The following CNTN6 variants were observed in gnomAD, a reference collection of about 807,000 sequenced individuals.
The protein encoded by CNTN6 is contactin-6.
Under a neutral mutation model 122.8 loss-of-function variants are expected in CNTN6, and 137 were observed. That is an observed-to-expected ratio of 1.12 (90% CI 0.97 to 1.29). The LOEUF is 1.29. CNTN6 is among the 50% of genes most tolerant of loss of function. CNTN6 has a pLI of 0.00. For missense variants in CNTN6, 1,634 were observed against 1,223.4 expected, an observed-to-expected ratio of 1.34 and a Z score of -5.01; for synonymous variants, 570 against 426.0, an observed-to-expected ratio of 1.34 and a Z score of -4.16.
intron 12 of CNTN6, among the ~76,000 whole-genome samples, chr3:1,355,949 A>T (rs1333398380): frequency 6.6e-6 from 1 of 151,818 alleles, no homozygotes. Flanking sequence ...ATACAGCAGG[A>T]TAAGGCGATT....
intron 2 of CNTN6, among the ~76,000 whole-genome samples, chr3:1,159,254 A>G (rs1035407026): frequency 2.6e-5 from 4 of 152,016 alleles, no homozygotes; most frequent in East Asian, 3.9e-4. Context: ...CCCAAGCCCT[A>G]TACGCATTAT....
chr3:1,353,244 C>G (rs1234176402), intron 12 of CNTN6, among the ~76,000 whole-genome samples: 1 of 151,718 alleles, frequency 6.6e-6, no homozygotes, highest in Non-Finnish European at 1.5e-5. Context: ...GCAGTTTAAG[C>G]AGCTAATTAA....
At chr3:1,314,732 A>C (rs987203791) in intron 7 of CNTN6, among the ~76,000 whole-genome samples, 6 of 151,942 alleles carry the variant, frequency 3.9e-5, no homozygotes, top group Non-Finnish European at 7.4e-5. Flanking sequence ...ATTTATGGCA[A>C]TGCGTATTCC....
chr3:1,201,099 TTGTGTG>T (rs57028088), intron 2 of CNTN6, among the ~76,000 whole-genome samples: 15,631 of 129,892 alleles, frequency 0.12, 1,377 homozygotes, highest in African/African-American at 0.24. Flanking sequence ...AGCTAACATT[TTGTGTG>T]TGTGTGTGTG....
At chr3:1,247,487 C>T (rs1346186959) in intron 4 of CNTN6, among the ~76,000 whole-genome samples, 1 of 151,188 alleles carries the variant, frequency 6.6e-6, no homozygotes, top group Non-Finnish European at 1.5e-5. Context: ...TAAGTGAAAC[C>T]AAAGGAGAAT....
At position 1,373,767 on chromosome 3, in the gene CNTN6, G is replaced by A. The variant is rs771382189; in HGVS notation, c.1945+5G>A. The A allele has an allele frequency of 3.2e-6, 5 of 1,585,410 alleles. No individual in the cohort carries two copies. The Admixed American group carries it at 9.0e-5, about 29-fold the overall frequency. On this transcript the variant is annotated splice_donor_5th_base_variant and intron_variant, in intron 15 of 22. Transcript: ENST00000446702. ...GTTGGCAGGCTGTTGCTACAGGTGA[G>A]TGACAAAAGTGTTTTGGGTCACTTT...
At chr3:1,376,869 C>T (rs1575947153) in intron 16 of CNTN6, 136 bp from the exon 17 acceptor site, 7 of 566,912 alleles carry the variant, frequency 1.2e-5, no homozygotes, top group East Asian at 5.8e-5. Context: ...ACATAATTTA[C>T]GTTCATTAAA....
chr3:1,372,724 A>G, intron 13 of CNTN6, 114 bp from the exon 14 acceptor site: 3 of 715,800 alleles, frequency 4.2e-6, no homozygotes, highest in Non-Finnish European at 7.0e-6. Flanking sequence ...TGATACTAGT[A>G]TATCTTTTAA....
chr3:1,212,456 T>C (rs929721525), intron 2 of CNTN6, among the ~76,000 whole-genome samples: 1 of 151,292 alleles, frequency 6.6e-6, no homozygotes, highest in Non-Finnish European at 1.5e-5. Flanking sequence ...TTTATATGTG[T>C]GTGTATATAT....
At chr3:1,158,821 C>CATATATAT (rs1559421710) in intron 2 of CNTN6, among the ~76,000 whole-genome samples, 12 of 27,246 alleles carry the variant, frequency 4.4e-4, no homozygotes, top group Non-Finnish European at 1.9e-4. Context: ...TATATACACA[C>CATATATAT]ACATATATAT....
At position 1,210,187 on chromosome 3, in the gene CNTN6, G is replaced by C. The variant is rs1027612424; in HGVS notation, c.56-10500G>C. Among the ~76,000 whole-genome samples the C allele has an allele frequency of 5.3e-5, 8 of 152,160 alleles. No individual in the cohort carries two copies. In the East Asian group the frequency reaches 1.5e-3, roughly 29 times the overall value. On this transcript the variant is annotated intron_variant, in intron 2 of 22. Transcript: ENST00000446702. ...GCTTGATCTTTTGACTTAAAGCTCC[G>C]GTCTGCCTCTAGTTCTTAAGTAGGA...
intron 7 of CNTN6, among the ~76,000 whole-genome samples, chr3:1,305,695 C>T (rs1204653967): frequency 6.6e-6 from 1 of 150,512 alleles, no homozygotes; most frequent in South Asian, 2.1e-4. Flanking sequence ...AATTTAGTAC[C>T]TTTTCTGTCA....
chr3:1,229,120 A>G (rs769431190), intron 4 of CNTN6, among the ~76,000 whole-genome samples: 1 of 152,234 alleles, frequency 6.6e-6, no homozygotes, highest in Non-Finnish European at 1.5e-5. Flanking sequence ...CTATGGAAGT[A>G]AGAAGTGAAC....
chr3:1,127,293 T>G (rs2092198020), intron 1 of CNTN6, among the ~76,000 whole-genome samples: 1 of 151,848 alleles, frequency 6.6e-6, no homozygotes, highest in African/African-American at 2.4e-5. Context: ...CTCAACTTTA[T>G]ATAAATGTTA....
At chr3:1,308,727 T>G (rs1698758242) in intron 7 of CNTN6, among the ~76,000 whole-genome samples, 1 of 152,098 alleles carries the variant, frequency 6.6e-6, no homozygotes, top group Non-Finnish European at 1.5e-5. Context: ...TGTCCCATTT[T>G]GCAATACCAC....
At chr3:1,377,577 A>C (rs139667898) in intron 17 of CNTN6, among the ~76,000 whole-genome samples, 9 of 152,124 alleles carry the variant, frequency 5.9e-5, no homozygotes, top group African/African-American at 2.2e-4. Context: ...TACCTTATTA[A>C]AAATTTCAGT....
chr3:1,255,416 G>GAAAAAA (rs112987509), intron 4 of CNTN6, among the ~76,000 whole-genome samples: 1 of 117,022 alleles, frequency 8.5e-6, no homozygotes, highest in Non-Finnish European at 1.7e-5. Flanking sequence ...ATTTGAAAAT[G>GAAAAAA]GAAAAAAAAA....
intron 1 of CNTN6, among the ~76,000 whole-genome samples, chr3:1,106,402 T>C (rs1360122871): frequency 6.6e-6 from 1 of 152,072 alleles, no homozygotes; most frequent in Non-Finnish European, 1.5e-5. Context: ...CAGAACATAA[T>C]GAAATAAGGT....
At chr3:1,296,204 A>G (rs984064313) in intron 6 of CNTN6, among the ~76,000 whole-genome samples, 8 of 152,012 alleles carry the variant, frequency 5.3e-5, no homozygotes, top group Admixed American at 6.6e-5. Context: ...CCTTTTTTCC[A>G]TATTTGCCCT....
Sources: allele counts gnomAD v4.1 joint callset (sites outside exome capture counted in the v4.1 genomes callset), GRCh38; gene constraint gnomAD v4.1.1; transcripts MANE v1.5; gene names NCBI Gene and HGNC (gene_info 2026-07-23, HGNC 2026-07-21).